GNLY: variants seen among roughly 807,000 people sequenced by gnomAD.
GNLY encodes granulysin.
A neutral mutation model predicts 18.5 loss-of-function variants in GNLY; 15 were observed. The ratio of observed to expected loss-of-function variants is 0.81; its 90% CI spans 0.54 to 1.25. The LOEUF (loss-of-function observed/expected upper bound fraction) is 1.25. Ranked by LOEUF, GNLY falls within the 50% of genes most tolerant of loss-of-function variation. The probability of loss-of-function intolerance (pLI) is 0.00; values close to 1 mark genes in which losing one functional copy is unlikely to be tolerated. For missense variants in GNLY, 178 were observed against 186.9 expected (o/e 0.95, Z 0.28); for synonymous variants, 77 against 74.9 (o/e 1.03, Z -0.14).
In GNLY at chr2:85,695,326, T is replaced by C; in HGVS notation, c.59T>C (p.Val20Ala). The change falls in exon 2 of 5, where the codon GTC becomes GCC. Residue 20 changes from valine (V) to alanine (A), a missense_variant. Physicochemically the swap from Val to Ala is moderately conservative, Grantham distance 64. Transcript: ENST00000263863. ...AAMLLGNPGLVFSRLSPEYYD... is the reference protein window; with the variant it reads ...AAMLLGNPGLAFSRLSPEYYD... ...GAAGTCTGGTCTTCCTCAGGTCTGGTCTTCTCTCGTCTGAGCCCTGAGTAC... is the reference window on the plus strand; with the variant it reads ...GAAGTCTGGTCTTCCTCAGGTCTGGCCTTCTCTCGTCTGAGCCCTGAGTAC... The C allele has an allele frequency of 6.2e-7, 1 of 1,606,808 alleles. No homozygotes were observed. Among genetic ancestry groups the C allele is most frequent in the Non-Finnish European group, 8.5e-7 (1 of 1,173,292 alleles).
At chr2:85,698,464 C>CA (rs1382814351) in intron 4 of GNLY, 100 bp from the exon 5 acceptor site, 2 of 1,603,404 alleles carry the variant, frequency 1.2e-6, no homozygotes, top group South Asian at 2.2e-5. Flanking sequence ...TCAGTAGGGT[C>CA]AGGTGGCTCT....
Position 85,694,422 on chromosome 2 carries a change from G to A in GNLY, c.4G>A (p.Ala2Thr), listed in dbSNP as rs1469942849. The change falls in exon 1 of 5, where the codon GCT (alanine) becomes ACT (threonine). Residue 2 changes from alanine (A) to threonine (T), a missense_variant. Coordinates refer to ENST00000263863, the MANE Select transcript of GNLY (RefSeq NM_006433.5). ...GCATCTCAGCGGCTGCCCCACCATGGCTACCTGGGCCCTCCTGCTCCTTGC... is the reference window on the plus strand; with the variant it reads ...GCATCTCAGCGGCTGCCCCACCATGACTACCTGGGCCCTCCTGCTCCTTGC... Reference protein sequence around the residue: MATWALLLLAAM... With the variant: MTTWALLLLAAM... The A allele has an allele frequency of 1.2e-6, 2 of 1,614,018 alleles. No individual in the cohort carries two copies. Among genetic ancestry groups the A allele is most frequent in the South Asian group, 2.2e-5 (2 of 91,060 alleles).
rs926444257 is a variant in GNLY at position 85,698,843 on chromosome 2, G to C, written c.*269G>C. ...TGTAGTCCTTCAATAAATGTCTGTC[G>C]TGTGTCCCATACACTGTTGTAGATG... On this transcript the variant is annotated 3_prime_UTR_variant, in exon 5 of 5. Coordinates refer to ENST00000263863, the MANE Select transcript of GNLY (RefSeq NM_006433.5). 7.0e-7 allele frequency: 1 copy of C among 1,419,480 alleles called. No individual in the cohort carries two copies. The highest frequency in any genetic ancestry group is 1.4e-5 in the African/African-American group (1 of 69,718). 87.9% of individuals were successfully genotyped at this position (1,419,480 alleles called of 1,614,324 possible).
intron 1 of GNLY, chr2:85,695,017 G>A: frequency 6.3e-7 from 1 of 1,581,018 alleles, no homozygotes; most frequent in Non-Finnish European, 8.6e-7. Flanking sequence ...AAAATCCCTT[G>A]AAAGGAGATT....
At position 85,694,397 on chromosome 2, in the gene GNLY, G is replaced by C. The variant is rs752557974; in HGVS notation, c.-22G>C. The C allele has an allele frequency of 6.2e-7, 1 of 1,612,858 alleles. No homozygotes were observed. The highest frequency in any genetic ancestry group is 1.7e-5 in the Admixed American group (1 of 60,006). ...CTGCCCATAAAACAGGGTGTGAAAGGCATCTCAGCGGCTGCCCCACCATGG... is the reference window on the plus strand; with the variant it reads ...CTGCCCATAAAACAGGGTGTGAAAGCCATCTCAGCGGCTGCCCCACCATGG... On this transcript the variant is annotated 5_prime_UTR_variant, in exon 1 of 5. Transcript: ENST00000263863.
chr2:85,697,541 G>T lies in GNLY; in HGVS notation c.291G>T (p.Arg97Ser). Reference protein sequence around the residue: ...SVSNAATRVCRTGRSRWRDVC... With the variant: ...SVSNAATRVCSTGRSRWRDVC... Reference sequence around the variant, plus strand: ...CCAATGCTGCGACCCGGGTGTGTAGGACGGGGAGGTCACGATGGCGCGACG... The same window carrying T: ...CCAATGCTGCGACCCGGGTGTGTAGTACGGGGAGGTCACGATGGCGCGACG... Residue 97 changes from arginine to serine, a missense_variant, in exon 4 of 5, where the codon AGG (arginine) becomes AGT (serine). Transcript: ENST00000263863. 6.2e-7 allele frequency: 1 copy of T among 1,613,030 alleles called. No homozygotes were observed. Among genetic ancestry groups the T allele is most frequent in the Non-Finnish European group, 8.5e-7 (1 of 1,179,934 alleles).
In GNLY at chr2:85,695,302, A is replaced by C; in HGVS notation, c.53-18A>C. ...CCTTCCGCCTGCGGAGGGGAAGCTG[A>C]AGTCTGGTCTTCCTCAGGTCTGGTC... On this transcript the variant is annotated intron_variant, in intron 1 of 4. Transcript: ENST00000263863. The C allele has an allele frequency of 5.2e-6, 8 of 1,549,530 alleles. No individual in the cohort carries two copies. Among genetic ancestry groups the C allele is most frequent in the Non-Finnish European group, 7.1e-6 (8 of 1,120,988 alleles).
chr2:85,695,228 C>T, intron 1 of GNLY, 92 bp from the exon 2 acceptor site: 1 of 960,146 alleles, frequency 1.0e-6, no homozygotes, highest in East Asian at 2.6e-5. Flanking sequence ...GTCCTAGGCC[C>T]TGGTCACCTC....
At chr2:85,696,219 T>C in intron 3 of GNLY, 163 bp downstream of exon 3, 1 of 596,228 alleles carries the variant, frequency 1.7e-6, no homozygotes, top group African/African-American at 1.9e-5. Context: ...GTGGATGAAT[T>C]TCAGAGAACT....
chr2:85,697,740 T>A, intron 4 of GNLY, 63 bp downstream of exon 4: 2 of 1,162,502 alleles, frequency 1.7e-6, no homozygotes, highest in Non-Finnish European at 2.5e-6. Flanking sequence ...CCCCAGGATA[T>A]ATCAAAGCTG....
chr2:85,694,457 C>T lies in GNLY; in HGVS notation c.39C>T (p.Leu13=), dbSNP rs758968216. 2.5e-6 allele frequency: 4 copies of T among 1,614,108 alleles called. 1 individual carries two copies. In the South Asian group the frequency reaches 4.4e-5, roughly 18 times the overall value. Residue 13 remains leucine, a synonymous_variant, in exon 1 of 5, where the codon CTC becomes CTT. Coordinates refer to ENST00000263863, the MANE Select transcript of GNLY (RefSeq NM_006433.5). ...CCCTCCTGCTCCTTGCAGCCATGCT[C>T]CTGGGCAACCCAGGTAAGGCCTTCC... The part of the protein sequence containing the change: ...TWALLLLAAM[L]LGNPGLVFSR...
In GNLY at chr2:85,698,584, C is replaced by T. The variant is rs1678553164; in HGVS notation, c.*10C>T. On this transcript the variant is annotated 3_prime_UTR_variant, in exon 5 of 5. Coordinates refer to ENST00000263863, the MANE Select transcript of GNLY (RefSeq NM_006433.5). ...TCCAGGTCCCCTCTGAGCCCTCTCA[C>T]CTTGTCCTGTGGAAGAAGCACAGGC... The T allele has an allele frequency of 1.9e-6, 3 of 1,613,564 alleles. No homozygotes were observed. In the South Asian group the frequency reaches 3.3e-5, roughly 18 times the overall value.
At chr2:85,696,652 G>C (rs1046756483) in intron 3 of GNLY, 3 of 151,640 alleles carry the variant, frequency 2.0e-5, no homozygotes, top group African/African-American at 7.3e-5. Context: ...CAATTCTCCT[G>C]TCTAAGCCTC....
At position 85,697,622 on chromosome 2, in the gene GNLY, C is replaced by G; in HGVS notation, c.372C>G (p.Ala124=). ...YQSRVTQGLV[A]GETAQQICED... is the part of the protein sequence containing the mutation. ...CTAGAGTTACCCAGGGCCTCGTGGC[C>G]GGAGAAACTGCCCAGCAGATCTGTG... Residue 124 remains alanine, a synonymous_variant, in exon 4 of 5, where the codon GCC becomes GCG. Transcript: ENST00000263863. The G allele has an allele frequency of 6.2e-7, 1 of 1,613,610 alleles. No homozygotes were observed. The highest frequency in any genetic ancestry group is 8.5e-7 in the Non-Finnish European group (1 of 1,179,512).
intron 3 of GNLY, 42 bp from the exon 4 acceptor site, chr2:85,697,464 A>T: frequency 6.4e-7 from 1 of 1,574,362 alleles, no homozygotes; most frequent in Non-Finnish European, 8.7e-7. Flanking sequence ...GCTGGGCAGG[A>T]CTCACCCTAT....
Position 85,694,680 on chromosome 2 carries a change from G to C in GNLY, c.52+210G>C, listed in dbSNP as rs1558587246. On this transcript the variant is annotated intron_variant, in intron 1 of 4. Coordinates refer to ENST00000263863, the MANE Select transcript of GNLY (RefSeq NM_006433.5). Reference sequence around the variant, plus strand: ...GTCACTGGCCTGGCCAAGGAGGAGAGACAGGCCAGGGATTCTGGTCCTAAC... The same window carrying C: ...GTCACTGGCCTGGCCAAGGAGGAGACACAGGCCAGGGATTCTGGTCCTAAC... The C allele has an allele frequency of 3.1e-6, 4 of 1,308,300 alleles. No individual in the cohort carries two copies. The East Asian group carries it at 9.9e-5, about 32-fold the overall frequency. The allele number at this position is 1,308,300 out of a possible 1,614,324, so 81.0% of individuals were successfully genotyped here. A position where few individuals can be genotyped will look rare whatever the true frequency, so the allele number is the denominator to read the frequency against.
rs1417742574 is a variant in GNLY at position 85,697,730 on chromosome 2, C to T, written c.427+53C>T. On this transcript the variant is annotated intron_variant, in intron 4 of 4. Transcript: ENST00000263863. Reference sequence around the variant, plus strand: ...CCTCCTGAGGGTTGGAGACAGCTTCCCCCAGGATATATCAAAGCTGCCTCC... The same window carrying T: ...CCTCCTGAGGGTTGGAGACAGCTTCTCCCAGGATATATCAAAGCTGCCTCC... 3.1e-6 allele frequency: 4 copies of T among 1,296,034 alleles called. No homozygotes were observed. The African/African-American group carries it at 4.3e-5, about 14-fold the overall frequency. The allele number at this position is 1,296,034 out of a possible 1,614,324, so 80.3% of individuals were successfully genotyped here.
intron 2 of GNLY, 94 bp from the exon 3 acceptor site, chr2:85,695,864 C>T (rs1487704350): frequency 6.2e-5 from 44 of 707,014 alleles, no homozygotes; most frequent in African/African-American, 2.1e-4. Context: ...ACATTCCTGC[C>T]GGCCTCAGAA....
chr2:85,694,835 T>C, intron 1 of GNLY: 6 of 1,512,498 alleles, frequency 4.0e-6, no homozygotes, highest in Non-Finnish European at 5.3e-6. Flanking sequence ...CTGTCTAGGA[T>C]TGTGCGGGGC....
Sources: allele counts gnomAD v4.1 joint callset, GRCh38; gene constraint gnomAD v4.1.1; transcripts MANE v1.5; gene names NCBI Gene and HGNC (gene_info 2026-07-23, HGNC 2026-07-21).